The following CCDC30 variants were observed in gnomAD, a reference collection of about 807,000 sequenced individuals.
CCDC30 encodes the protein coiled-coil domain containing 30, also known as coiled-coil domain-containing protein 30.
A neutral mutation model predicts 100.2 loss-of-function variants in CCDC30; 70 were observed. That is an observed-to-expected ratio of 0.70 (90% CI 0.58 to 0.85). The LOEUF (loss-of-function observed/expected upper bound fraction) is 0.85. Among genes scored for constraint, CCDC30 ranks in the 40% least tolerant of loss-of-function variants. The pLI, the probability that CCDC30 is intolerant of heterozygous loss-of-function variation, is 0.00. For missense variants in CCDC30, 652 were observed against 771.2 expected (o/e 0.85, Z 1.83); for synonymous variants, 233 against 269.5 (o/e 0.86, Z 1.33).
At chr1:42,637,479 AG>A in intron 12 of CCDC30, 101 bp downstream of exon 16, 1 of 1,080,712 alleles carries the variant, frequency 9.3e-7, no homozygotes, top group Non-Finnish European at 1.4e-6. Context: ...ACCCCTTCAT[AG>A]TCCTCGTTTT....
rs527834691 is a variant in CCDC30 at position 42,601,172 on chromosome 1, C to T, written c.1165-9806C>T. Reference sequence around the variant, plus strand: ...TAAACACAAAAGTCAAAGAAGAAATCGCAAGAGAAATTTCAAAATATTTTG... The same window carrying T: ...TAAACACAAAAGTCAAAGAAGAAATTGCAAGAGAAATTTCAAAATATTTTG... On this transcript the variant is annotated intron_variant, in intron 10 of 16. Transcript: ENST00000668663. Among the ~76,000 whole-genome samples, 34 of 152,184 alleles carry T rather than the reference C, an allele frequency of 2.2e-4. No individual in the cohort carries two copies. The South Asian group carries it at 6.6e-3, about 30-fold the overall frequency.
chr1:42,567,405 G>A (rs1034792018), intron 7 of CCDC30, among the ~76,000 whole-genome samples: 2 of 152,130 alleles, frequency 1.3e-5, no homozygotes, highest in African/African-American at 4.8e-5. Context: ...GGTATAGCAG[G>A]ATAAAATGAT....
chr1:42,482,983 A>G (rs898228823), intron 3 of CCDC30, 167 bp downstream of exon 3: 3 of 454,644 alleles, frequency 6.6e-6, no homozygotes, highest in Non-Finnish European at 1.1e-5. Context: ...AATTTTTGTC[A>G]AAGCCCAAGC....
chr1:42,460,095 G>GA (rs1643370805), upstream of CCDC30: 3 of 1,369,512 alleles, frequency 2.2e-6, no homozygotes, highest in Admixed American at 6.6e-5. Flanking sequence ...CACCTGATAT[G>GA]ATGTCATTTT....
chr1:42,641,942 TG>T (rs1365119113), intron 12 of CCDC30, among the ~76,000 whole-genome samples: 3 of 152,086 alleles, frequency 2.0e-5, no homozygotes, highest in East Asian at 1.9e-4. Context: ...ATACATGACA[TG>T]GGCTGGGCAT....
chr1:42,566,580 T>C (rs1055757091), intron 7 of CCDC30, 105 bp downstream of exon 11: 1 of 885,292 alleles, frequency 1.1e-6, no homozygotes, highest in Non-Finnish European at 1.7e-6. Context: ...TCCACAAATA[T>C]GTGGACAATG....
the CCDC30 span, chr1:42,456,802 G>T: frequency 5.0e-6 from 8 of 1,613,338 alleles, no homozygotes; most frequent in South Asian, 5.5e-5. Context: ...CCGGCTACGG[G>T]GTCCTGTTCT....
At chr1:42,545,652 G>T in intron 6 of CCDC30, 73 bp downstream of exon 9, 1 of 1,377,778 alleles carries the variant, frequency 7.3e-7, no homozygotes, top group Non-Finnish European at 9.9e-7. Flanking sequence ...ATCATTATAA[G>T]AATTTGACAT....
Position 42,577,006 on chromosome 1 carries a change from TTCTCTA to T in CCDC30, c.637-13_637-8del, listed in dbSNP as rs1645852013. On this transcript the variant is annotated splice_polypyrimidine_tract_variant and splice_region_variant and intron_variant, in intron 7 of 16. Coordinates refer to ENST00000668663, the Ensembl canonical transcript of CCDC30. ...CACTTATTTGTATTACTCTTACTTA[TTCTCTA>T]CCTCTAGATAAAGATTGAACTAAAG... is the stretch of plus-strand genomic sequence containing the variant. 1.9e-6 allele frequency: 3 copies of T among 1,576,536 alleles called. No homozygotes were observed. The highest frequency in any genetic ancestry group is 2.6e-6 in the Non-Finnish European group (3 of 1,147,350).
At position 42,603,043 on chromosome 1, in the gene CCDC30, T is replaced by C. The variant is rs141929144; in HGVS notation, c.1165-7935T>C. ...AAAATCACATGATTCTATCTATTGA[T>C]GCTATCTTAGTCTGTTTATGCTGCT... On this transcript the variant is annotated intron_variant, in intron 10 of 16. Coordinates refer to ENST00000668663, the Ensembl canonical transcript of CCDC30. Among the ~76,000 whole-genome samples the C allele has an allele frequency of 1.3e-3, 196 of 152,362 alleles. 1 individual carries two copies. The highest frequency in any genetic ancestry group is 4.6e-3 in the African/African-American group (190 of 41,592).
chr1:42,595,967 A>G (rs1356575277), intron 10 of CCDC30, among the ~76,000 whole-genome samples: 1 of 152,226 alleles, frequency 6.6e-6, no homozygotes, highest in East Asian at 1.9e-4. Context: ...GTTCTGATCC[A>G]GCATGTAAGA....
At chr1:42,603,132 A>T (rs922660810) in intron 10 of CCDC30, among the ~76,000 whole-genome samples, 4 of 152,184 alleles carry the variant, frequency 2.6e-5, no homozygotes, top group African/African-American at 9.7e-5. Context: ...CCAGTCCTAG[A>T]GGTTGGGAAG....
chr1:42,599,724 C>CA (rs1646364480), intron 10 of CCDC30, among the ~76,000 whole-genome samples: 2 of 152,124 alleles, frequency 1.3e-5, no homozygotes, highest in Non-Finnish European at 2.9e-5. Flanking sequence ...AAGGATGTAA[C>CA]ATGCTAACAT....
At chr1:42,595,590 T>C (rs1646270973) in intron 10 of CCDC30, 1 of 151,954 alleles carries the variant, frequency 6.6e-6, no homozygotes, top group African/African-American at 2.4e-5. Flanking sequence ...ATAAAGCAAA[T>C]CCATATTTAT....
Position 42,516,119 on chromosome 1 carries a change from A to G in CCDC30, c.456+17203A>G, listed in dbSNP as rs567142291. Reference sequence around the variant, plus strand: ...GTCTACTTTTTCTTGAGGAACTGTCATACTATTCTCCACAGGAACTATATC... The same window carrying G: ...GTCTACTTTTTCTTGAGGAACTGTCGTACTATTCTCCACAGGAACTATATC... On this transcript the variant is annotated intron_variant, in intron 6 of 16. Coordinates refer to ENST00000668663, the Ensembl canonical transcript of CCDC30. Among the ~76,000 whole-genome samples, 14 of 152,346 alleles carry G rather than the reference A, an allele frequency of 9.2e-5. 1 individual carries two copies. Among genetic ancestry groups the G allele is most frequent in the African/African-American group, 3.4e-4 (14 of 41,580 alleles).
intron 10 of CCDC30, among the ~76,000 whole-genome samples, chr1:42,606,474 C>G (rs1487903395): frequency 6.6e-6 from 1 of 152,138 alleles, no homozygotes; most frequent in East Asian, 1.9e-4. Context: ...GGTGAGGTTT[C>G]ACCATGTTGG....
chr1:42,586,994 A>G (rs373835535), intron 9 of CCDC30, among the ~76,000 whole-genome samples: 1 of 151,784 alleles, frequency 6.6e-6, no homozygotes, highest in African/African-American at 2.4e-5. Flanking sequence ...TGACTTCCGA[A>G]TTTGCTTTTT....
chr1:42,561,764 A>G (rs1645492521), intron 6 of CCDC30, among the ~76,000 whole-genome samples: 1 of 152,238 alleles, frequency 6.6e-6, no homozygotes, highest in African/African-American at 2.4e-5. Context: ...GTCTCAGCAT[A>G]CAAAATCAAT....
At chr1:42,641,728 A>G (rs566968358) in intron 12 of CCDC30, among the ~76,000 whole-genome samples, 20 of 151,766 alleles carry the variant, frequency 1.3e-4, no homozygotes, top group Admixed American at 2.0e-4. Flanking sequence ...TTAGCTGGGT[A>G]TGGTAGTGGA....
Sources: allele counts gnomAD v4.1 joint callset (sites outside exome capture counted in the v4.1 genomes callset), GRCh38; gene constraint gnomAD v4.1.1; transcripts MANE v1.5; gene names NCBI Gene and HGNC (gene_info 2026-07-23, HGNC 2026-07-21).